ACTN3: variants seen among roughly 807,000 people sequenced by gnomAD.
ACTN3 encodes alpha-actinin-3.
A neutral mutation model predicts 119.6 loss-of-function variants in ACTN3; 91 were observed. The observed-to-expected ratio is 0.76, with a 90% CI of 0.64 to 0.91. The LOEUF is 0.91. ACTN3 is among the 40% of genes least tolerant of loss of function. The pLI is 0.00. For missense variants in ACTN3, 1,221 were observed against 1,215.1 expected (o/e 1.00, Z -0.07); for synonymous variants, 456 against 478.8 (o/e 0.95, Z 0.62).
Position 66,559,401 on chromosome 11 carries a change from G to T in ACTN3, c.1427+15G>T. 6.8e-7 allele frequency: 1 copy of T among 1,477,882 alleles called. No individual in the cohort carries two copies. The highest frequency in any genetic ancestry group is 2.9e-5 in the Admixed American group (1 of 34,886). The allele number at this position is 1,477,882 out of a possible 1,614,324, so 91.5% of individuals were successfully genotyped here. On this transcript the variant is annotated intron_variant, in intron 12 of 20. Transcript: ENST00000513398. ...CAGGAGCTCAAGTAGGCGGGGCCTC[G>T]CGGGGCCCGCCCCCAACACCCCCGG...
chr11:66,554,757 T>A (rs1857554756), intron 5 of ACTN3, 134 bp downstream of exon 5: 2 of 727,404 alleles, frequency 2.7e-6, no homozygotes, highest in Non-Finnish European at 4.4e-6. Context: ...TCACAGTTCC[T>A]GGAACAGTGT....
intron 3 of ACTN3, among the ~76,000 whole-genome samples, chr11:66,552,531 G>A (rs1000177456): frequency 6.6e-6 from 1 of 152,060 alleles, no homozygotes; most frequent in Non-Finnish European, 1.5e-5. Flanking sequence ...GTTTGAGCCC[G>A]GGAATTGGAG....
chr11:66,561,911 C>T (rs1484649374), intron 17 of ACTN3, 111 bp from the exon 18 acceptor site: 1 of 1,331,806 alleles, frequency 7.5e-7, no homozygotes, highest in South Asian at 1.4e-5. Flanking sequence ...GGATGGAGGC[C>T]CAGTGAGGGG....
rs1292322577 is a variant in ACTN3, at chr11:66,551,287, A to G, written c.196A>G (p.Ile66Val). The G allele has an allele frequency of 6.2e-7, 1 of 1,612,556 alleles. No individual in the cohort carries two copies. The highest frequency in any genetic ancestry group is 1.7e-5 in the Admixed American group (1 of 59,816). Reference protein sequence around the residue: ...NSHLRKAGTQIENIEEDFRNG... With the variant: ...NSHLRKAGTQVENIEEDFRNG... Reference sequence around the variant, plus strand: ...ACACCTGCGCAAGGCAGGCACCCAGATCGAGAACATCGAGGAAGATTTCCG... The same window carrying G: ...ACACCTGCGCAAGGCAGGCACCCAGGTCGAGAACATCGAGGAAGATTTCCG... The change falls in exon 2 of 21, where the codon ATC becomes GTC. Residue 66 changes from isoleucine to valine, a missense_variant. This residue lies in a region of ACTN3 where 239 missense variants were observed against 231.8 expected (regional missense o/e 1.03). Transcript: ENST00000513398.
chr11:66,549,501 G>A (rs544421056), intron 1 of ACTN3, among the ~76,000 whole-genome samples: 1 of 152,108 alleles, frequency 6.6e-6, no homozygotes, highest in South Asian at 2.1e-4. Context: ...GGAGACGGAG[G>A]GGGGCGGATC....
chr11:66,552,880 T>TCTCTCACACA lies in ACTN3; in HGVS notation c.383-1164_383-1163insTCTCACACAC, dbSNP rs1337756351. ...CTCTCTCTCTCTCTCTCTCTCTCTC[T>TCTCTCACACA]CACACACACACACACACACACACAC... On this transcript the variant is annotated intron_variant, in intron 3 of 20. Transcript: ENST00000513398. Among the ~76,000 whole-genome samples the TCTCTCACACA allele has an allele frequency of 4.4e-5, 5 of 114,806 alleles. No homozygotes were observed. The South Asian group carries it at 1.4e-3, about 33-fold the overall frequency. The allele number at this position is 114,806 out of a possible 152,430, so 75.3% of individuals were successfully genotyped here.
At chr11:66,546,400 C>A, upstream of ACTN3, 1 of 756,992 alleles carries the variant, frequency 1.3e-6, no homozygotes, top group Non-Finnish European at 2.1e-6. Context: ...ATATTAATAG[C>A]CCTGCCGCAG....
chr11:66,561,308 C>T lies in ACTN3; in HGVS notation c.1942C>T (p.Gln648Ter), dbSNP rs1403301126. The T allele has an allele frequency of 1.4e-5, 23 of 1,610,828 alleles. No homozygotes were observed. The highest frequency in any genetic ancestry group is 1.9e-5 in the Non-Finnish European group (22 of 1,179,110). Reference sequence around the variant, plus strand: ...GCAGGTAAACGAGAGGCTCCGGCGACAGTTTGCGGCCCAGGCCAATGCCAT... The same window carrying T: ...GCAGGTAAACGAGAGGCTCCGGCGATAGTTTGCGGCCCAGGCCAATGCCAT... ...RQQVNERLRR[Q>*]FAAQANAIGP... Residue 648 changes from glutamine to a stop codon, truncating the protein, a stop_gained, in exon 16 of 21, where the codon CAG becomes TAG. Coordinates refer to ENST00000513398, the MANE Select transcript of ACTN3 (RefSeq NM_001104.4). LOFTEE classifies it high-confidence loss of function.
chr11:66,561,206 G>GCA, intron 15 of ACTN3, 21 bp from the exon 16 acceptor site: 1 of 1,521,250 alleles, frequency 6.6e-7, no homozygotes, highest in Non-Finnish European at 8.8e-7. Flanking sequence ...GCTGGCTCTG[G>GCA]CATAACTGCC....
At position 66,551,226 on chromosome 11, in the gene ACTN3, C is replaced by T. The variant is rs769940961; in HGVS notation, c.148-13C>T. 1.3e-6 allele frequency: 2 copies of T among 1,590,626 alleles called. No homozygotes were observed. Among genetic ancestry groups the T allele is most frequent in the Non-Finnish European group, 1.7e-6 (2 of 1,165,244 alleles). On this transcript the variant is annotated splice_polypyrimidine_tract_variant and intron_variant, in intron 1 of 20. Coordinates refer to ENST00000513398, the MANE Select transcript of ACTN3 (RefSeq NM_001104.4). ...GCCAGTCGTAGGGTTTGAGTGCTGT[C>T]CTCTGCCCCTAGACCTTCACTGCCT... is the stretch of plus-strand genomic sequence containing the variant.
chr11:66,550,608 G>C (rs560955705), intron 1 of ACTN3, among the ~76,000 whole-genome samples: 8 of 152,126 alleles, frequency 5.3e-5, no homozygotes, highest in Non-Finnish European at 1.2e-4. Context: ...TTGAGCCCAG[G>C]AGCTTGAGAC....
chr11:66,561,069 C>A, intron 15 of ACTN3, 158 bp from the exon 16 acceptor site: 1 of 574,690 alleles, frequency 1.7e-6, no homozygotes, highest in African/African-American at 2.0e-5. Context: ...AAACTGAAGC[C>A]CACATGGGTT....
Position 66,558,116 on chromosome 11 carries a change from C to G in ACTN3, c.1218C>G (p.Leu406=), listed in dbSNP as rs770157999. ...LLSEIRRLQR[L]QHLAEKFRQK... is the part of the protein sequence containing the mutation. ...CGGAGATCCGGCGCCTGCAGCGACTCCAGCACCTGGCTGAGAAGTTCCGGC... is the reference window on the plus strand; with the variant it reads ...CGGAGATCCGGCGCCTGCAGCGACTGCAGCACCTGGCTGAGAAGTTCCGGC... The change falls in exon 11 of 21, where the codon CTC becomes CTG. Residue 406 remains leucine, a synonymous_variant. Transcript: ENST00000513398. 1.2e-6 allele frequency: 2 copies of G among 1,613,922 alleles called. No homozygotes were observed. Among genetic ancestry groups the G allele is most frequent in the Non-Finnish European group, 1.7e-6 (2 of 1,179,894 alleles).
intron 1 of ACTN3, 98 bp downstream of exon 1, chr11:66,547,182 T>C: frequency 2.3e-6 from 3 of 1,327,562 alleles, no homozygotes; most frequent in Non-Finnish European, 2.0e-6. Context: ...AGCTTGTCTT[T>C]AACCTAGAGT....
chr11:66,546,735 C>T, upstream of ACTN3: 1 of 1,535,538 alleles, frequency 6.5e-7, no homozygotes, highest in Non-Finnish European at 8.7e-7. Flanking sequence ...CGAGATCCAC[C>T]CCGGCGCCCC....
intron 1 of ACTN3, among the ~76,000 whole-genome samples, chr11:66,548,415 C>T (rs1857408410): frequency 6.6e-6 from 1 of 152,110 alleles, no homozygotes; most frequent in South Asian, 2.1e-4. Flanking sequence ...CCCCATATGA[C>T]ACGTGCCAGT....
upstream of ACTN3, chr11:66,546,533 C>T: frequency 1.3e-6 from 2 of 1,535,482 alleles, no homozygotes; most frequent in Non-Finnish European, 1.7e-6. Flanking sequence ...CTCTGTGTCC[C>T]ACCAGCGAGG....
intron 11 of ACTN3, 31 bp downstream of exon 11, chr11:66,558,205 G>A: frequency 6.2e-7 from 1 of 1,607,308 alleles, no homozygotes; most frequent in Non-Finnish European, 8.5e-7. Flanking sequence ...GGGCTGGACT[G>A]TCTCTTGGGG....
rs367762793 is a variant in ACTN3 at position 66,551,491 on chromosome 11, A to G, written c.263-37A>G. On this transcript the variant is annotated intron_variant, in intron 2 of 20. Coordinates refer to ENST00000513398, the MANE Select transcript of ACTN3 (RefSeq NM_001104.4). ...CGGACAATAGCTTCAGCTGCCTCTC[A>G]TGACCTTTGGCCCTTGGCCTCTCCT... 10 of 1,604,928 alleles carry G rather than the reference A, an allele frequency of 6.2e-6. No homozygotes were observed. The African/African-American group carries it at 6.7e-5, about 11-fold the overall frequency.
Sources: gnomAD v4.1 joint callset for allele counts (sites outside exome capture counted in the v4.1 genomes callset) on GRCh38, gnomAD v4.1.1 for gene constraint, gnomAD v4.1.1 regional missense constraint, MANE v1.5 for transcripts, NCBI Gene and HGNC (gene_info 2026-07-23, HGNC 2026-07-21) for gene names.